The following RASAL2 variants were observed in gnomAD, a reference collection of about 807,000 sequenced individuals.
The protein encoded by RASAL2 is RAS protein activator like 2, also known as ras GTPase-activating protein nGAP.
In RASAL2, 58 loss-of-function variants were observed where a neutral mutation model predicts 128.9. The observed-to-expected ratio is 0.45, with a 90% CI of 0.36 to 0.56. The LOEUF (loss-of-function observed/expected upper bound fraction) is 0.56, where lower values mean the gene tolerates loss of function less well. Ranked by LOEUF, RASAL2 falls within the 20% of genes least tolerant of loss-of-function variation. RASAL2 has a pLI of 0.00. For synonymous variants in RASAL2, 561 were observed against 580.8 expected, an observed-to-expected ratio of 0.97 and a Z score of 0.49; for missense variants, 1,360 against 1,601.6, an observed-to-expected ratio of 0.85 and a Z score of 2.57.
At position 178,406,808 on chromosome 1, in the gene RASAL2, TATA is replaced by T. The variant is rs944930367; in HGVS notation, c.565-13699_565-13697del. 2.6e-4 allele frequency among the ~76,000 whole-genome samples: 40 copies of T among 151,514 alleles called. 1 individual carries two copies. The highest frequency in any genetic ancestry group is 9.2e-4 in the African/African-American group (38 of 41,444). ...ACATGTTATAATGTAATACCTGTAA[TATA>T]ATATGTATTTTATATTTTAATATAA... On this transcript the variant is annotated intron_variant, in intron 4 of 17. Coordinates refer to ENST00000367649, the MANE Select transcript of RASAL2 (RefSeq NM_170692.4).
At chr1:178,414,441 CTAAAG>C (rs1388902266) in intron 4 of RASAL2, among the ~76,000 whole-genome samples, 1 of 152,126 alleles carries the variant, frequency 6.6e-6, no homozygotes, top group East Asian at 1.9e-4. Flanking sequence ...ATAACAAACC[CTAAAG>C]TAAACTATGG....
intron 4 of RASAL2, among the ~76,000 whole-genome samples, chr1:178,405,907 TA>T (rs1557963345): frequency 6.6e-6 from 1 of 152,210 alleles, no homozygotes; most frequent in African/African-American, 2.4e-5. Flanking sequence ...ATAATAACAT[TA>T]GGGGAAGCTG....
At chr1:178,449,733 G>T (rs1677251568) in intron 9 of RASAL2, among the ~76,000 whole-genome samples, 1 of 151,846 alleles carries the variant, frequency 6.6e-6, no homozygotes, top group South Asian at 2.1e-4. Flanking sequence ...TTTCTATTTT[G>T]GAGCATTTTA....
At position 178,094,474 on chromosome 1, in the gene RASAL2, C is replaced by G. The variant is rs1202755273; in HGVS notation, c.-19C>G. The G allele has an allele frequency of 6.5e-7, 1 of 1,535,538 alleles. No individual in the cohort carries two copies. Among genetic ancestry groups the G allele is most frequent in the African/African-American group, 1.4e-5 (1 of 72,662 alleles). On this transcript the variant is annotated 5_prime_UTR_variant, in exon 1 of 18. Transcript: ENST00000367649. ...CGCCCCGAAGCCGCCGCCTCGTCCC[C>G]CTCCCGCCTCGGGGCACCATGGAGC... is the stretch of plus-strand genomic sequence containing the variant.
At chr1:178,125,072 A>G (rs555124403) in intron 1 of RASAL2, among the ~76,000 whole-genome samples, 7 of 152,330 alleles carry the variant, frequency 4.6e-5, no homozygotes, top group Admixed American at 1.3e-4. Context: ...TGGGAGAATT[A>G]TTGCCCAAAC....
intron 1 of RASAL2, among the ~76,000 whole-genome samples, chr1:178,163,344 T>G (rs1464335502): frequency 1.3e-5 from 2 of 152,198 alleles, no homozygotes; most frequent in Non-Finnish European, 2.9e-5. Flanking sequence ...TTCTTACCTG[T>G]GCTTTTTTGT....
chr1:178,286,307 C>G (rs1413616441), intron 2 of RASAL2, among the ~76,000 whole-genome samples: 1 of 152,170 alleles, frequency 6.6e-6, no homozygotes, highest in African/African-American at 2.4e-5. Context: ...GGCCGTTTTT[C>G]CTCATACCAT....
chr1:178,171,351 GTAAAGGC>G (rs1465770232), intron 1 of RASAL2, among the ~76,000 whole-genome samples: 1 of 151,904 alleles, frequency 6.6e-6, no homozygotes, highest in African/African-American at 2.4e-5. Context: ...TGTAAACAGA[GTAAAGGC>G]TAACTGCAGA....
At chr1:178,094,859 A>G (rs1311194853) in intron 1 of RASAL2, among the ~76,000 whole-genome samples, 165 bp downstream of exon 1, 7 of 152,112 alleles carry the variant, frequency 4.6e-5, no homozygotes, top group Admixed American at 1.3e-4. Flanking sequence ...TCTTCAGACT[A>G]TCACTTGGGC....
chr1:178,428,157 C>T (rs754053569), intron 5 of RASAL2, among the ~76,000 whole-genome samples: 1 of 151,570 alleles, frequency 6.6e-6, no homozygotes, highest in African/African-American at 2.4e-5. Flanking sequence ...GGATGTACTA[C>T]GGTTTGTTTA....
At chr1:178,130,315 G>A (rs1660057511) in intron 1 of RASAL2, among the ~76,000 whole-genome samples, 1 of 152,122 alleles carries the variant, frequency 6.6e-6, no homozygotes, top group Admixed American at 6.5e-5. Flanking sequence ...GAGGTTGAAG[G>A]TTAAAAGAAA....
rs1165991943 is a variant in RASAL2, at chr1:178,395,785, ATATATATTTATT to A, written c.564+5583_564+5594del. On this transcript the variant is annotated intron_variant, in intron 4 of 17. Transcript: ENST00000367649. ...TTTAATGAACAGTATATATATATAT[ATATATATTTATT>A]TATTCATATGTGTATGAATGTATAG... 8.0e-4 allele frequency among the ~76,000 whole-genome samples: 117 copies of A among 147,022 alleles called. 2 individuals carry two copies. The highest frequency in any genetic ancestry group is 1.4e-3 in the African/African-American group (54 of 38,958).
At chr1:178,155,705 C>T (rs1449867863) in intron 1 of RASAL2, among the ~76,000 whole-genome samples, 3 of 151,546 alleles carry the variant, frequency 2.0e-5, no homozygotes, top group South Asian at 2.1e-4. Context: ...TTTCTCCCTC[C>T]GTTCTGCTGA....
At chr1:178,309,820 T>A (rs997070933) in intron 3 of RASAL2, among the ~76,000 whole-genome samples, 2 of 152,146 alleles carry the variant, frequency 1.3e-5, no homozygotes, top group Non-Finnish European at 2.9e-5. Flanking sequence ...AGTTTCCTTG[T>A]GGTAGAGGGC....
intron 2 of RASAL2, among the ~76,000 whole-genome samples, chr1:178,296,099 A>G (rs190213704): frequency 6.1e-5 from 9 of 148,740 alleles, no homozygotes; most frequent in East Asian, 1.9e-4. Flanking sequence ...GTGTATATAT[A>G]TGTGTATATA....
intron 1 of RASAL2, among the ~76,000 whole-genome samples, chr1:178,207,456 T>TA (rs1163771027): frequency 2.6e-5 from 4 of 152,218 alleles, no homozygotes; most frequent in African/African-American, 9.6e-5. Context: ...AATCTGGTGA[T>TA]AATTTAAAAT....
chr1:178,234,780 A>G (rs1320079828), intron 1 of RASAL2, among the ~76,000 whole-genome samples: 1 of 152,182 alleles, frequency 6.6e-6, no homozygotes, highest in African/African-American at 2.4e-5. Context: ...GATTGAACGT[A>G]TCATCAAAGG....
chr1:178,238,215 A>G (rs1159097224), intron 1 of RASAL2, among the ~76,000 whole-genome samples: 1 of 152,162 alleles, frequency 6.6e-6, no homozygotes, highest in Non-Finnish European at 1.5e-5. Flanking sequence ...TACTTAGCAT[A>G]ATGGTTTCAT....
chr1:178,276,511 A>AT (rs917829567), intron 1 of RASAL2, among the ~76,000 whole-genome samples: 2 of 148,864 alleles, frequency 1.3e-5, no homozygotes, highest in African/African-American at 5.1e-5. Context: ...CCACATTACA[A>AT]TTTTTTTGTT....
Sources: gnomAD v4.1 joint callset for allele counts (sites outside exome capture counted in the v4.1 genomes callset) on GRCh38, gnomAD v4.1.1 for gene constraint, MANE v1.5 for transcripts, NCBI Gene and HGNC (gene_info 2026-07-23, HGNC 2026-07-21) for gene names.